Variants in TENM1 observed in about 807,000 individuals in gnomAD.
TENM1 encodes the protein teneurin transmembrane protein 1.
A neutral mutation model predicts 174.8 loss-of-function variants in TENM1; 35 were observed. The observed-to-expected ratio is 0.20, with a 90% CI of 0.15 to 0.27. TENM1 has a LOEUF of 0.27. Ranked by LOEUF, TENM1 falls within the 10% of genes least tolerant of loss-of-function variation. TENM1 has a pLI of 1.00. For synonymous variants in TENM1, 781 were observed against 798.7 expected (o/e 0.98, Z 0.37); for missense variants, 1,633 against 2,130.1 (o/e 0.77, Z 4.59).
At chrX:124,474,972 T>C (rs1189603942) in intron 22 of TENM1, among the ~76,000 whole-genome samples, 3 of 111,765 alleles carry the variant, frequency 2.7e-5, no homozygotes, top group Non-Finnish European at 5.6e-5. Context: ...TCAAACATGT[T>C]TTTTTCAAGA....
chrX:124,712,428 T>A, intron 4 of TENM1, among the ~76,000 whole-genome samples: 1 of 111,659 alleles, frequency 9.0e-6, no homozygotes, highest in Admixed American at 9.5e-5. Context: ...GTGGTTTTGA[T>A]TTGCATGTCT....
chrX:124,991,105 T>C, the TENM1 span, among the ~76,000 whole-genome samples: 5 of 111,611 alleles, frequency 4.5e-5, no homozygotes, highest in Middle Eastern at 4.6e-3. Context: ...AACAGATGAA[T>C]CTGAACTTAA....
chrX:125,114,831 T>C, the TENM1 span, among the ~76,000 whole-genome samples: 1 of 111,609 alleles, frequency 9.0e-6, no homozygotes, highest in African/African-American at 3.3e-5. Flanking sequence ...GATGGTACCA[T>C]TCCTTCTGAA....
chrX:124,995,485 T>A, the TENM1 span, among the ~76,000 whole-genome samples: 3 of 111,542 alleles, frequency 2.7e-5, no homozygotes, highest in African/African-American at 9.8e-5. Flanking sequence ...GCATAGAATT[T>A]TTCAAGGCAC....
chrX:124,885,686 G>A (rs772370764), intron 3 of TENM1, among the ~76,000 whole-genome samples: 1 of 110,307 alleles, frequency 9.1e-6, no homozygotes, highest in African/African-American at 3.3e-5. Flanking sequence ...ATTTTTTCCT[G>A]TTTTTCAGTA....
chrX:125,103,690 T>C, the TENM1 span, among the ~76,000 whole-genome samples: 119 of 112,560 alleles, frequency 1.1e-3, no homozygotes, highest in African/African-American at 3.1e-3. Flanking sequence ...TTGCTTAATA[T>C]AAAATTAAGA....
the TENM1 span, among the ~76,000 whole-genome samples, chrX:125,171,344 A>G: frequency 1.9e-3 from 209 of 110,997 alleles, no homozygotes; most frequent in African/African-American, 6.5e-3. Flanking sequence ...CCCGAGATCT[A>G]AAGACCCAGA....
the TENM1 span, among the ~76,000 whole-genome samples, chrX:125,146,436 C>T: frequency 9.0e-6 from 1 of 111,460 alleles, no homozygotes; most frequent in Non-Finnish European, 1.9e-5. Context: ...TTTTATTTCT[C>T]TATTATAGCA....
intron 11 of TENM1, among the ~76,000 whole-genome samples, chrX:124,630,728 A>G (rs1434554712): frequency 1.8e-5 from 2 of 111,154 alleles, no homozygotes; most frequent in Non-Finnish European, 3.8e-5. Context: ...GTGCAAGATT[A>G]GGGATATATA....
intron 1 of TENM1, among the ~76,000 whole-genome samples, chrX:124,929,583 C>A (rs944025541): frequency 1.8e-5 from 2 of 112,028 alleles, no homozygotes; most frequent in African/African-American, 6.5e-5. Flanking sequence ...GGACCTCAGG[C>A]ATATTACCTG....
chrX:124,712,283 C>T (rs1408593425), intron 4 of TENM1, among the ~76,000 whole-genome samples: 1 of 110,978 alleles, frequency 9.0e-6, no homozygotes. Flanking sequence ...TTTTCCATAG[C>T]GGTTTCTACT....
At chrX:125,139,906 A>T in the TENM1 span, among the ~76,000 whole-genome samples, 1 of 109,993 alleles carries the variant, frequency 9.1e-6, no homozygotes, top group African/African-American at 3.3e-5. Context: ...AATGAGAGAG[A>T]GAGAAGTAGA....
intron 4 of TENM1, among the ~76,000 whole-genome samples, chrX:124,715,861 T>C (rs1453545762): frequency 9.0e-6 from 1 of 111,204 alleles, no homozygotes; most frequent in African/African-American, 3.3e-5. Context: ...TCTGTATCAT[T>C]TATTTTTATT....
chrX:124,953,696 G>GAT (rs1200528639), intron 1 of TENM1, among the ~76,000 whole-genome samples: 1 of 111,758 alleles, frequency 8.9e-6, no homozygotes, highest in Non-Finnish European at 1.9e-5. Flanking sequence ...TTGTTTCCCA[G>GAT]GGGACAATCA....
the TENM1 span, among the ~76,000 whole-genome samples, chrX:125,083,167 G>C: frequency 1.8e-5 from 2 of 110,672 alleles, no homozygotes; most frequent in Non-Finnish European, 3.8e-5. Flanking sequence ...TCTTAATTCT[G>C]TTCTGTTTTG....
At chrX:124,444,844 G>A (rs1242590263) in intron 23 of TENM1, among the ~76,000 whole-genome samples, 1 of 111,042 alleles carries the variant, frequency 9.0e-6, no homozygotes, top group Non-Finnish European at 1.9e-5. Flanking sequence ...AATGAAGTGG[G>A]AATGTGACTT....
intron 3 of TENM1, among the ~76,000 whole-genome samples, chrX:124,828,470 ACTCT>A (rs1321742506): frequency 8.9e-6 from 1 of 111,889 alleles, no homozygotes; most frequent in Non-Finnish European, 1.9e-5. Context: ...TGAGTCAAGA[ACTCT>A]CTGAGAAGAT....
Position 124,777,920 on chromosome X carries a change from C to A in TENM1, c.536-40723G>T, listed in dbSNP as rs1042693159. ...AGTATTCAACTCTACCAGTTTAGCA[C>A]CAAAGCAGCCACAGACAATGTGTAA... On this transcript the variant is annotated intron_variant, in intron 3 of 31. Transcript: ENST00000422452. Among the ~76,000 whole-genome samples the A allele has an allele frequency of 2.7e-5, 3 of 112,531 alleles. No homozygotes were observed. In the Admixed American group the frequency reaches 2.8e-4, roughly 11 times the overall value.
At chrX:124,762,324 TA>T (rs1189263490) in intron 3 of TENM1, among the ~76,000 whole-genome samples, 1 of 112,459 alleles carries the variant, frequency 8.9e-6, no homozygotes, top group Non-Finnish European at 1.9e-5. Context: ...CTCATCTAGA[TA>T]ATGTATTAAC....
Sources: allele counts gnomAD v4.1 joint callset (sites outside exome capture counted in the v4.1 genomes callset), GRCh38; gene constraint gnomAD v4.1.1; transcripts MANE v1.5; gene names NCBI Gene and HGNC (gene_info 2026-07-23, HGNC 2026-07-21).